TTLL11: variants seen among roughly 807,000 people sequenced by gnomAD.
The protein encoded by TTLL11 is tubulin tyrosine ligase like 11.
TTLL11 carries 42 observed loss-of-function variants against 51.7 expected under a neutral mutation model. The observed-to-expected ratio is 0.81, with a 90% CI of 0.64 to 1.05. The LOEUF (loss-of-function observed/expected upper bound fraction) is 1.05, where lower values mean the gene tolerates loss of function less well. TTLL11 is among the 50% of genes least tolerant of loss of function. The pLI is 0.00. For missense variants in TTLL11, 799 were observed against 940.4 expected (o/e 0.85, Z 1.97); for synonymous variants, 381 against 383.5 (o/e 0.99, Z 0.08).
chr9:122,077,187 G>T (rs1435357082), intron 1 of TTLL11, among the ~76,000 whole-genome samples: 2 of 152,196 alleles, frequency 1.3e-5, no homozygotes, highest in Non-Finnish European at 2.9e-5. Flanking sequence ...GTAGGTCTGA[G>T]TTGTAAAATA....
intron 1 of TTLL11, among the ~76,000 whole-genome samples, chr9:122,048,515 C>T (rs1402168145): frequency 6.6e-6 from 1 of 152,124 alleles, no homozygotes; most frequent in African/African-American, 2.4e-5. Context: ...TCCTTTGCTA[C>T]AACTCTTCAA....
chr9:121,988,525 C>T lies in TTLL11; in HGVS notation c.1269+670G>A, dbSNP rs10818615. Among the ~76,000 whole-genome samples the T allele has an allele frequency of 5.8e-3, 886 of 152,120 alleles. 43 individuals are homozygous for T. In the East Asian group the frequency reaches 0.14, roughly 24 times the overall value. ...TCACCCCTCTGGCTTCAGCACATTT[C>T]CACCTGGAACCCTTTGCCTCCCCTA... is the stretch of plus-strand genomic sequence containing the variant. On this transcript the variant is annotated intron_variant, in intron 4 of 8. Transcript: ENST00000321582.
At chr9:121,899,378 C>CATATATATATATATATATATAT (rs747040027) in intron 6 of TTLL11, among the ~76,000 whole-genome samples, 4 of 130,458 alleles carry the variant, frequency 3.1e-5, no homozygotes, top group Admixed American at 8.2e-5. Flanking sequence ...TATATATATA[C>CATATATATATATATATATATAT]ATATATATAT....
At chr9:121,963,410 C>T (rs943616673) in intron 6 of TTLL11, among the ~76,000 whole-genome samples, 5 of 152,194 alleles carry the variant, frequency 3.3e-5, no homozygotes, top group African/African-American at 1.2e-4. Context: ...TAAAAGCACA[C>T]GAACATTTAA....
chr9:121,952,475 G>T (rs912754409), intron 6 of TTLL11, among the ~76,000 whole-genome samples: 4 of 150,046 alleles, frequency 2.7e-5, no homozygotes, highest in African/African-American at 9.8e-5. Flanking sequence ...TGGAGGACTA[G>T]GATTTGAACC....
chr9:122,085,224 C>A (rs1846094012), intron 1 of TTLL11, among the ~76,000 whole-genome samples: 1 of 152,182 alleles, frequency 6.6e-6, no homozygotes, highest in Non-Finnish European at 1.5e-5. Flanking sequence ...CGCACCACTG[C>A]ACTCCAACCT....
intron 1 of TTLL11, among the ~76,000 whole-genome samples, chr9:122,086,493 G>A (rs1208180448): frequency 6.6e-6 from 1 of 152,030 alleles, no homozygotes; most frequent in East Asian, 1.9e-4. Context: ...TAGAAAGGGA[G>A]GAAAGATTAG....
chr9:122,038,604 G>A (rs891688206), intron 2 of TTLL11, among the ~76,000 whole-genome samples: 6 of 152,198 alleles, frequency 3.9e-5, no homozygotes, highest in Non-Finnish European at 5.9e-5. Context: ...AGCCAAGATC[G>A]TGCTGCTGCT....
In TTLL11 at chr9:121,843,175, TA is replaced by T. The variant is rs879826413; in HGVS notation, c.1840+17161del. Among the ~76,000 whole-genome samples, 168 of 145,238 alleles carry T rather than the reference TA, an allele frequency of 1.2e-3. No homozygotes were observed. The East Asian group carries it at 0.021, about 18-fold the overall frequency. Reference sequence around the variant, plus strand: ...ACATAGTGAGACCCCCATCTTTATTTAAAAAAAAAAATGAGAGAAGTAGTCA... The same window carrying T: ...ACATAGTGAGACCCCCATCTTTATTTAAAAAAAAAATGAGAGAAGTAGTCA... On this transcript the variant is annotated intron_variant, in intron 8 of 8. Coordinates refer to ENST00000321582, the MANE Select transcript of TTLL11 (RefSeq NM_001139442.2).
In TTLL11 at chr9:121,994,860, A is replaced by C. The variant is rs540646430; in HGVS notation, c.694-5090T>G. Among the ~76,000 whole-genome samples, 35 of 152,332 alleles carry C rather than the reference A, an allele frequency of 2.3e-4. No individual in the cohort carries two copies. In the South Asian group the frequency reaches 7.2e-3, roughly 32 times the overall value. On this transcript the variant is annotated intron_variant, in intron 3 of 8. Coordinates refer to ENST00000321582, the MANE Select transcript of TTLL11 (RefSeq NM_001139442.2). ...GGGCAGACAGGAAAAGTCCAAACTG[A>C]GGCTGCAGTGGAGTCAGAGGGAAGG...
At chr9:122,010,070 T>C (rs1450791878) in intron 3 of TTLL11, among the ~76,000 whole-genome samples, 2 of 152,236 alleles carry the variant, frequency 1.3e-5, no homozygotes, top group South Asian at 2.1e-4. Context: ...AGCTTTATTA[T>C]GTTTTTCTTA....
At chr9:121,975,278 G>A (rs938382093) in intron 4 of TTLL11, among the ~76,000 whole-genome samples, 2 of 152,288 alleles carry the variant, frequency 1.3e-5, no homozygotes. Flanking sequence ...TTGAGGATGA[G>A]TAGTAGCCCA....
chr9:121,991,537 C>T (rs1053772321), intron 3 of TTLL11, among the ~76,000 whole-genome samples: 1 of 152,146 alleles, frequency 6.6e-6, no homozygotes, highest in East Asian at 1.9e-4. Context: ...CAGTTATGGA[C>T]CAGGAAGTGA....
At chr9:121,862,350 A>G (rs547617333) in intron 7 of TTLL11, among the ~76,000 whole-genome samples, 1 of 152,286 alleles carries the variant, frequency 6.6e-6, no homozygotes, top group East Asian at 1.9e-4. Flanking sequence ...GGGCTCTAAA[A>G]TGAAGATGAT....
At chr9:121,904,056 A>G (rs964467461) in intron 6 of TTLL11, among the ~76,000 whole-genome samples, 4 of 152,238 alleles carry the variant, frequency 2.6e-5, no homozygotes, top group Admixed American at 2.6e-4. Flanking sequence ...GTTAATTCCC[A>G]TATTCATGAC....
intron 3 of TTLL11, among the ~76,000 whole-genome samples, chr9:122,010,688 G>A (rs540462714): frequency 6.6e-6 from 1 of 152,188 alleles, no homozygotes; most frequent in African/African-American, 2.4e-5. Context: ...TCCAATCGAA[G>A]GACAGCTTTC....
intron 8 of TTLL11, among the ~76,000 whole-genome samples, chr9:121,845,422 G>T (rs1008035329): frequency 6.6e-6 from 1 of 152,084 alleles, no homozygotes; most frequent in South Asian, 2.1e-4. Context: ...AAATTTCAGA[G>T]AACAGAAAAA....
chr9:121,973,275 A>G (rs769268195), intron 6 of TTLL11, among the ~76,000 whole-genome samples: 1 of 152,214 alleles, frequency 6.6e-6, no homozygotes, highest in Non-Finnish European at 1.5e-5. Flanking sequence ...CTGTCATTAA[A>G]TTGGCCCTGC....
intron 6 of TTLL11, among the ~76,000 whole-genome samples, chr9:121,901,059 G>A (rs1321373388): frequency 6.6e-6 from 1 of 152,114 alleles, no homozygotes. Flanking sequence ...ACAGGAGTGA[G>A]CCACCACACC....
Sources: gnomAD v4.1 joint callset for allele counts (sites outside exome capture counted in the v4.1 genomes callset) on GRCh38, gnomAD v4.1.1 for gene constraint, MANE v1.5 for transcripts, NCBI Gene and HGNC (gene_info 2026-07-23, HGNC 2026-07-21) for gene names.